The following PRKG1 variants were observed in gnomAD, a reference collection of about 807,000 sequenced individuals.
PRKG1 encodes protein kinase cGMP-dependent 1, also known as cGMP-dependent protein kinase 1.
In PRKG1, 35 loss-of-function variants were observed where a neutral mutation model predicts 88.1. That is an observed-to-expected ratio of 0.40 (90% confidence interval 0.30 to 0.53). The LOEUF is 0.53. Ranked by LOEUF, PRKG1 falls within the 20% of genes least tolerant of loss-of-function variation. The pLI, the probability that PRKG1 is intolerant of heterozygous loss-of-function variation, is 0.59. For missense variants in PRKG1, 540 were observed against 839.8 expected (o/e 0.64, Z 4.41); for synonymous variants, 303 against 292.5 (o/e 1.04, Z -0.37).
At chr10:51,037,322 A>T (rs897490698) in intron 1 of PRKG1, among the ~76,000 whole-genome samples, 1 of 151,882 alleles carries the variant, frequency 6.6e-6, no homozygotes, top group Non-Finnish European at 1.5e-5. Flanking sequence ...ATAAAAAATT[A>T]GTATGGCATC....
At chr10:51,521,029 G>A (rs1589041682) in intron 3 of PRKG1, among the ~76,000 whole-genome samples, 1 of 152,210 alleles carries the variant, frequency 6.6e-6, no homozygotes, top group Admixed American at 6.5e-5. Flanking sequence ...GGTGGCTCAC[G>A]CCTGTAATCC....
chr10:51,713,035 G>T (rs1302984960), intron 3 of PRKG1, among the ~76,000 whole-genome samples: 1 of 152,008 alleles, frequency 6.6e-6, no homozygotes, highest in African/African-American at 2.4e-5. Flanking sequence ...TTTTCCCAGG[G>T]TTATACAGCA....
intron 2 of PRKG1, among the ~76,000 whole-genome samples, chr10:51,412,910 A>G (rs1311419138): frequency 6.6e-6 from 1 of 152,124 alleles, no homozygotes; most frequent in Non-Finnish European, 1.5e-5. Flanking sequence ...AAAGGTTGAG[A>G]CAGTGAGGAA....
intron 4 of PRKG1, among the ~76,000 whole-genome samples, chr10:51,867,510 A>G (rs530066992): frequency 6.6e-6 from 1 of 152,264 alleles, no homozygotes; most frequent in African/African-American, 2.4e-5. Context: ...GGAAAATGGA[A>G]ATACACAGAT....
intron 5 of PRKG1, among the ~76,000 whole-genome samples, chr10:52,033,033 C>G (rs1845509498): frequency 6.6e-6 from 1 of 152,108 alleles, no homozygotes; most frequent in African/African-American, 2.4e-5. Context: ...GGGCTTTATC[C>G]TAGCAGGGAG....
At chr10:51,036,558 A>C (rs1449205322) in intron 1 of PRKG1, among the ~76,000 whole-genome samples, 1 of 152,116 alleles carries the variant, frequency 6.6e-6, no homozygotes, top group African/African-American at 2.4e-5. Flanking sequence ...AAAATTTTTC[A>C]AATGACTCAT....
chr10:52,098,204 A>G (rs965417114), intron 7 of PRKG1, among the ~76,000 whole-genome samples: 3 of 152,194 alleles, frequency 2.0e-5, no homozygotes, highest in Admixed American at 2.0e-4. Context: ...GTTTTTTATT[A>G]TGATAATTTT....
intron 1 of PRKG1, among the ~76,000 whole-genome samples, chr10:50,998,071 T>C (rs966229123): frequency 6.6e-6 from 1 of 152,224 alleles, no homozygotes; most frequent in Admixed American, 6.5e-5. Flanking sequence ...TGTAAAATGC[T>C]TGTGCTTCAT....
intron 3 of PRKG1, among the ~76,000 whole-genome samples, chr10:51,530,067 C>T (rs1436728759): frequency 2.0e-5 from 3 of 152,074 alleles, no homozygotes; most frequent in Non-Finnish European, 4.4e-5. Flanking sequence ...CTTCCTCTTC[C>T]ACATAATATT....
chr10:51,251,219 A>G (rs932422617), intron 2 of PRKG1, among the ~76,000 whole-genome samples: 1 of 151,776 alleles, frequency 6.6e-6, no homozygotes, highest in Non-Finnish European at 1.5e-5. Flanking sequence ...TTTAAGGCAG[A>G]CCAGGCACCT....
chr10:51,840,560 T>G (rs867902434), intron 4 of PRKG1, among the ~76,000 whole-genome samples: 5 of 137,336 alleles, frequency 3.6e-5, no homozygotes, highest in Middle Eastern at 7.4e-3. Flanking sequence ...TTTATTTATT[T>G]ATTGAGACAA....
At chr10:51,094,186 A>T (rs1234391825) in intron 1 of PRKG1, among the ~76,000 whole-genome samples, 1 of 151,966 alleles carries the variant, frequency 6.6e-6, no homozygotes, top group African/African-American at 2.4e-5. Flanking sequence ...GGGCATAGAA[A>T]ACACTTATGC....
rs540061392 is a variant in PRKG1, at chr10:51,785,563, T to C, written c.593-19022T>C. On this transcript the variant is annotated intron_variant, in intron 3 of 17. Coordinates refer to ENST00000373980, the MANE Select transcript of PRKG1 (RefSeq NM_006258.4). Reference sequence around the variant, plus strand: ...ATATTATTGATTGACGTTGAAGATTTTACATTCCTTTTTCACAATACTAAG... The same window carrying C: ...ATATTATTGATTGACGTTGAAGATTCTACATTCCTTTTTCACAATACTAAG... Among the ~76,000 whole-genome samples the C allele has an allele frequency of 2.0e-5, 3 of 152,206 alleles. No individual in the cohort carries two copies. In the South Asian group the frequency reaches 6.2e-4, roughly 32 times the overall value.
At chr10:51,188,260 A>G (rs1837544819) in intron 2 of PRKG1, among the ~76,000 whole-genome samples, 1 of 151,942 alleles carries the variant, frequency 6.6e-6, no homozygotes, top group Non-Finnish European at 1.5e-5. Context: ...TTTTGATGAC[A>G]CAGATTCTAA....
chr10:51,173,635 A>G (rs1837111573), intron 2 of PRKG1, among the ~76,000 whole-genome samples: 1 of 151,964 alleles, frequency 6.6e-6, no homozygotes, highest in African/African-American at 2.4e-5. Context: ...GATGTCTTCT[A>G]ATCACTTGCC....
intron 3 of PRKG1, among the ~76,000 whole-genome samples, chr10:51,482,905 T>A (rs1589003605): frequency 6.6e-6 from 1 of 152,148 alleles, no homozygotes; most frequent in South Asian, 2.1e-4. Flanking sequence ...CAATAAATCA[T>A]GAAATCATGA....
At chr10:51,402,983 A>G (rs897901651) in intron 2 of PRKG1, among the ~76,000 whole-genome samples, 6 of 152,202 alleles carry the variant, frequency 3.9e-5, no homozygotes, top group Non-Finnish European at 4.4e-5. Context: ...CTACTACTAC[A>G]CACAAAGCAA....
intron 4 of PRKG1, among the ~76,000 whole-genome samples, chr10:51,861,439 T>C (rs2154282): frequency 0.098 from 14,858 of 152,226 alleles, 974 homozygotes; most frequent in African/African-American, 0.18. Flanking sequence ...TTACTATTTT[T>C]ATATTTATTA....
intron 3 of PRKG1, among the ~76,000 whole-genome samples, chr10:51,702,158 T>G (rs1841484929): frequency 6.6e-6 from 1 of 152,170 alleles, no homozygotes; most frequent in Non-Finnish European, 1.5e-5. Flanking sequence ...GAAGACTGGG[T>G]GAACAGAGAG....
Sources: gnomAD v4.1 joint callset for allele counts (sites outside exome capture counted in the v4.1 genomes callset) on GRCh38, gnomAD v4.1.1 for gene constraint, MANE v1.5 for transcripts, NCBI Gene and HGNC (gene_info 2026-07-23, HGNC 2026-07-21) for gene names.